The following SHB variants were observed in gnomAD, a reference collection of about 807,000 sequenced individuals.
SHB encodes the protein SH2 domain-containing adapter protein B.
SHB carries 20 observed loss-of-function variants against 52.3 expected under a neutral mutation model. That is an observed-to-expected ratio of 0.38 (90% CI 0.27 to 0.56). The LOEUF is 0.56. Among genes scored for constraint, SHB ranks in the 20% least tolerant of loss-of-function variants. The pLI is 0.71. For missense variants in SHB, 825 were observed against 723.3 expected (o/e 1.14, Z -1.61); for synonymous variants, 397 against 316.5 (o/e 1.25, Z -2.70).
chr9:38,048,276 A>G lies in SHB; in HGVS notation c.717+19653T>C, dbSNP rs528008010. Among the ~76,000 whole-genome samples the G allele has an allele frequency of 5.9e-5, 9 of 152,224 alleles. No individual in the cohort carries two copies. The East Asian group carries it at 1.7e-3, about 29-fold the overall frequency. ...GATTTCCTTCCAGTCTTTTTTCTAC[A>G]TATGTCGGTGGGAATGCAGTAATTG... On this transcript the variant is annotated intron_variant, in intron 1 of 5. Transcript: ENST00000377707.
In SHB at chr9:37,920,362, C is replaced by T. The variant is rs1391982256; in HGVS notation, c.1347-358G>A. Among the ~76,000 whole-genome samples, 8 of 152,280 alleles carry T rather than the reference C, an allele frequency of 5.3e-5. No homozygotes were observed. In the South Asian group the frequency reaches 8.3e-4, roughly 16 times the overall value. ...TAGTCCCTCTTTTCTATTACCAGTGCATATCCCTGTTTAAGCCTTGCCTGA... is the reference window on the plus strand; with the variant it reads ...TAGTCCCTCTTTTCTATTACCAGTGTATATCCCTGTTTAAGCCTTGCCTGA... On this transcript the variant is annotated intron_variant, in intron 5 of 5. Transcript: ENST00000377707.
chr9:38,009,570 T>C (rs1476814260), intron 2 of SHB, among the ~76,000 whole-genome samples: 1 of 152,124 alleles, frequency 6.6e-6, no homozygotes, highest in Admixed American at 6.5e-5. Flanking sequence ...CTGCCTCCTT[T>C]CTCCTGAAAC....
chr9:37,979,856 T>C (rs1454945767), intron 2 of SHB, among the ~76,000 whole-genome samples: 2 of 152,128 alleles, frequency 1.3e-5, no homozygotes, highest in African/African-American at 2.4e-5. Flanking sequence ...GGTTTTCCAA[T>C]GCACACAAAA....
chr9:38,046,790 CGGCCTGACA>C (rs1439519305), intron 1 of SHB, among the ~76,000 whole-genome samples: 2 of 152,220 alleles, frequency 1.3e-5, no homozygotes, highest in Non-Finnish European at 1.5e-5. Context: ...GTTTGGGCCT[CGGCCTGACA>C]GGCCTGACAG....
chr9:38,036,869 TG>T (rs988020641), intron 1 of SHB, among the ~76,000 whole-genome samples: 2 of 152,282 alleles, frequency 1.3e-5, no homozygotes, highest in African/African-American at 4.8e-5. Flanking sequence ...AACCAAGGCA[TG>T]GGGTGGCTGG....
chr9:38,025,701 C>T (rs1821332870), intron 1 of SHB, among the ~76,000 whole-genome samples: 2 of 152,202 alleles, frequency 1.3e-5, no homozygotes, highest in Non-Finnish European at 2.9e-5. Flanking sequence ...GTATTCGGAA[C>T]AGGGTGGTGC....
At chr9:37,928,104 C>CCCCTCCCCCTGGGCCTCAGCGTCT in intron 5 of SHB, among the ~76,000 whole-genome samples, 1 of 152,292 alleles carries the variant, frequency 6.6e-6, no homozygotes. Flanking sequence ...CTGGGCAAGT[C>CCCCTCCCCCTGGGCCTCAGCGTCT]CCCTCCCCCT....
rs1293078322 is a variant in SHB, at chr9:37,915,918, T to C, written c.*3903A>G. Among the ~76,000 whole-genome samples, 8 of 152,054 alleles carry C rather than the reference T, an allele frequency of 5.3e-5. No homozygotes were observed. The highest frequency in any genetic ancestry group is 1.2e-4 in the Non-Finnish European group (8 of 67,998). On this transcript the variant is annotated 3_prime_UTR_variant, in exon 6 of 6. Coordinates refer to ENST00000377707, the MANE Select transcript of SHB (RefSeq NM_003028.3). ...AATGGTAAACAAGACACTTGTAGTA[T>C]ATTAAGAGCTTCACATTAAATATTC...
chr9:37,917,688 TCCC>T lies in SHB; in HGVS notation c.*2130_*2132del, dbSNP rs1412594541. Among the ~76,000 whole-genome samples the T allele has an allele frequency of 6.6e-6, 1 of 152,064 alleles. No individual in the cohort carries two copies. Among genetic ancestry groups the T allele is most frequent in the Admixed American group, 6.6e-5 (1 of 15,264 alleles). ...TGTCATTTCCCACCTACCTTCCCACTCCCCCAAAGGAAAGCACGAATCGTTCCA... is the reference window on the plus strand; with the variant it reads ...TGTCATTTCCCACCTACCTTCCCACTCCAAAGGAAAGCACGAATCGTTCCA... On this transcript the variant is annotated 3_prime_UTR_variant, in exon 6 of 6. Coordinates refer to ENST00000377707, the MANE Select transcript of SHB (RefSeq NM_003028.3).
chr9:37,974,360 C>T (rs1317039411), intron 3 of SHB, among the ~76,000 whole-genome samples: 2 of 152,180 alleles, frequency 1.3e-5, no homozygotes, highest in Non-Finnish European at 2.9e-5. Flanking sequence ...ACAATGAGAG[C>T]ATCTGAGCCC....
intron 5 of SHB, among the ~76,000 whole-genome samples, chr9:37,928,330 T>A (rs990715054): frequency 6.6e-6 from 1 of 152,240 alleles, no homozygotes; most frequent in Non-Finnish European, 1.5e-5. Context: ...AGGCTTCTCA[T>A]GCCTGTGCCA....
At chr9:37,968,915 A>G (rs1313046835) in intron 3 of SHB, among the ~76,000 whole-genome samples, 5 of 152,142 alleles carry the variant, frequency 3.3e-5, no homozygotes, top group Non-Finnish European at 5.9e-5. Flanking sequence ...ACTCTATGGT[A>G]TACGGGCCCC....
At chr9:38,012,249 G>A (rs768697329) in intron 2 of SHB, among the ~76,000 whole-genome samples, 1 of 152,166 alleles carries the variant, frequency 6.6e-6, no homozygotes, top group Non-Finnish European at 1.5e-5. Flanking sequence ...AAACTACAGT[G>A]CACCAAGGCT....
At chr9:37,938,241 C>T (rs1044616248) in intron 5 of SHB, among the ~76,000 whole-genome samples, 7 of 152,182 alleles carry the variant, frequency 4.6e-5, no homozygotes, top group Non-Finnish European at 7.3e-5. Flanking sequence ...AAGTGACTCA[C>T]TGGTGACCTC....
chr9:37,996,080 G>T (rs1349337076), intron 2 of SHB, among the ~76,000 whole-genome samples: 1 of 152,210 alleles, frequency 6.6e-6, no homozygotes, highest in African/African-American at 2.4e-5. Flanking sequence ...TGTGGTGGAT[G>T]ACCTGAAATG....
intron 5 of SHB, among the ~76,000 whole-genome samples, chr9:37,944,247 T>G (rs931960671): frequency 2.0e-5 from 3 of 152,148 alleles, no homozygotes; most frequent in African/African-American, 7.2e-5. Context: ...TGTGGGTCAC[T>G]GCAAGTGCAG....
At position 38,009,002 on chromosome 9, in the gene SHB, G is replaced by A. The variant is rs1489411503; in HGVS notation, c.838+7009C>T. Reference sequence around the variant, plus strand: ...GGCCCTTTGCTTTCCCAGCTCAGGGGAACAGTGCTGCCTGGAACCAGGGGT... The same window carrying A: ...GGCCCTTTGCTTTCCCAGCTCAGGGAAACAGTGCTGCCTGGAACCAGGGGT... On this transcript the variant is annotated intron_variant, in intron 2 of 5. Transcript: ENST00000377707. 3.9e-5 allele frequency among the ~76,000 whole-genome samples: 6 copies of A among 152,362 alleles called. No individual in the cohort carries two copies. In the East Asian group the frequency reaches 7.7e-4, roughly 20 times the overall value.
chr9:38,042,494 A>T (rs1821597411), intron 1 of SHB, among the ~76,000 whole-genome samples: 4 of 152,186 alleles, frequency 2.6e-5, no homozygotes, highest in Admixed American at 2.6e-4. Flanking sequence ...GGGAAGGGGG[A>T]ATCCCCAGTC....
chr9:38,002,673 T>C (rs1413627768), intron 2 of SHB, among the ~76,000 whole-genome samples: 1 of 152,178 alleles, frequency 6.6e-6, no homozygotes, highest in East Asian at 1.9e-4. Context: ...ATTCTCTCTC[T>C]GTGAAAGAAG....
Sources: allele counts gnomAD v4.1 joint callset (sites outside exome capture counted in the v4.1 genomes callset), GRCh38; gene constraint gnomAD v4.1.1; transcripts MANE v1.5; gene names NCBI Gene and HGNC (gene_info 2026-07-23, HGNC 2026-07-21).